Variants in MACF1 observed in about 807,000 individuals in gnomAD.
The protein encoded by MACF1 is microtubule-actin cross-linking factor 1.
In MACF1, 193 loss-of-function variants were observed where a neutral mutation model predicts 854.8. The observed-to-expected ratio is 0.23, with a 90% CI of 0.20 to 0.25. The LOEUF is 0.25. Ranked by LOEUF, MACF1 falls within the 10% of genes least tolerant of loss-of-function variation. The pLI is 1.00. For missense variants in MACF1, 7,722 were observed against 8,929.1 expected (o/e 0.86, Z 5.45); for synonymous variants, 3,185 against 3,226.7 (o/e 0.99, Z 0.44).
Position 39,310,255 on chromosome 1 carries a change from C to T in MACF1, c.2927C>T (p.Ser976Leu), listed in dbSNP as rs2148434459. Residue 976 changes from serine (S) to leucine (L), a missense_variant, in exon 25 of 101, where the codon TCA (serine) becomes TTA (leucine). Transcript: ENST00000564288. ...GCTTTTTCTTTCTAGCTTCGATCCT[C>T]AGCACCAGGGGAGTGCCATCAGATT... The part of the protein sequence containing the change: ...QTWNLEKLRS[S>L]APGECHQIMK... 1 of 1,609,300 alleles carries T rather than the reference C, an allele frequency of 6.2e-7. No individual in the cohort carries two copies. Among genetic ancestry groups the T allele is most frequent in the Non-Finnish European group, 8.5e-7 (1 of 1,178,566 alleles).
At chr1:39,338,288 A>G (rs1180665925) in intron 38 of MACF1, among the ~76,000 whole-genome samples, 1 of 151,892 alleles carries the variant, frequency 6.6e-6, no homozygotes, top group African/African-American at 2.4e-5. Context: ...ATAAATTCAT[A>G]AAAGGGCAAG....
At chr1:39,184,455 G>T (rs759507362) in intron 2 of MACF1, among the ~76,000 whole-genome samples, 16 of 152,104 alleles carry the variant, frequency 1.1e-4, no homozygotes, top group Non-Finnish European at 2.2e-4. Flanking sequence ...ATTGCCAAAA[G>T]TACCCTAGTT....
intron 6 of MACF1, among the ~76,000 whole-genome samples, chr1:39,278,959 A>G (rs1645491715): frequency 1.3e-5 from 2 of 152,238 alleles, no homozygotes; most frequent in African/African-American, 4.8e-5. Context: ...AATTTACAAA[A>G]TAAATTTTAA....
At chr1:39,398,717 T>C (rs1026383723) in intron 58 of MACF1, among the ~76,000 whole-genome samples, 1 of 152,194 alleles carries the variant, frequency 6.6e-6, no homozygotes, top group African/African-American at 2.4e-5. Flanking sequence ...GGGAGTGACT[T>C]ACACAGATAG....
chr1:39,148,843 C>T (rs1643516822), intron 2 of MACF1, among the ~76,000 whole-genome samples: 1 of 152,170 alleles, frequency 6.6e-6, no homozygotes, highest in African/African-American at 2.4e-5. Flanking sequence ...TATTTGTATA[C>T]TTTAAAAAAC....
intron 2 of MACF1, among the ~76,000 whole-genome samples, chr1:39,095,116 T>C (rs536971480): frequency 3.7e-4 from 57 of 152,036 alleles, no homozygotes; most frequent in Non-Finnish European, 6.2e-4. Context: ...AGAAATGTGA[T>C]TGGGCAAAAA....
rs1251307016 is a variant in MACF1, at chr1:39,310,172, C to CAGT, written c.2917-71_2917-69dup. On this transcript the variant is annotated intron_variant, in intron 24 of 100. Coordinates refer to ENST00000564288, the MANE Select transcript of MACF1 (RefSeq NM_001394062.1). ...GCACTGTTTTGTATATATGTTACTT[C>CAGT]AGTAAAATGGAGGAAAAGAGGAAGT... The CAGT allele has an allele frequency of 3.3e-6, 4 of 1,219,272 alleles. No homozygotes were observed. The African/African-American group carries it at 4.6e-5, about 14-fold the overall frequency. The allele number at this position is 1,219,272 out of a possible 1,614,324, so 75.5% of individuals were successfully genotyped here.
At position 39,084,382 on chromosome 1, in the gene MACF1, G is replaced by A. The variant is rs1445249215; in HGVS notation, c.164G>A (p.Arg55Gln). 4.3e-6 allele frequency: 7 copies of A among 1,613,344 alleles called. No individual in the cohort carries two copies. Among genetic ancestry groups the A allele is most frequent in the Non-Finnish European group, 5.9e-6 (7 of 1,180,008 alleles). ...CTGCCACTGCATGAGCAGAAAAAGC[G>A]GAAAAGCCAGGATTCGGTGCTGGAC... Residue 55 changes from arginine (R) to glutamine (Q), a missense_variant, in exon 2 of 94, where the codon CGG becomes CAG. Arg to Gln is a conservative substitution (Grantham distance 43). Coordinates refer to the MACF1 transcript ENST00000361689. This position sits in a 1 kb window ranked among gnomAD's most constrained non-coding sequence, Gnocchi z 5.2.
chr1:39,254,387 A>G lies in MACF1; in HGVS notation c.435+12A>G. On this transcript the variant is annotated intron_variant, in intron 5 of 100. Coordinates refer to ENST00000564288, the MANE Select transcript of MACF1 (RefSeq NM_001394062.1). ...TAAAGCAGCGACAGGTAAGACCATC[A>G]CATGCCTTCCCCATTCTTCCAGGCT... 2 of 1,613,004 alleles carry G rather than the reference A, an allele frequency of 1.2e-6. No homozygotes were observed. The highest frequency in any genetic ancestry group is 1.7e-6 in the Non-Finnish European group (2 of 1,178,986).
At chr1:39,292,734 A>G in intron 16 of MACF1, 32 bp from the exon 17 acceptor site, 2 of 1,452,580 alleles carry the variant, frequency 1.4e-6, no homozygotes, top group East Asian at 4.6e-5. Flanking sequence ...CTCTTTCTCT[A>G]ATGTATTTTT....
chr1:39,459,309 C>T (rs1644503258), intron 91 of MACF1, 60 bp downstream of exon 91: 1 of 1,517,858 alleles, frequency 6.6e-7, no homozygotes, highest in Admixed American at 2.0e-5. Context: ...CAAAACACAG[C>T]CCTTCTGAGG....
At chr1:39,386,274 C>CCACA (rs10650940) in intron 57 of MACF1, among the ~76,000 whole-genome samples, 4 of 148,356 alleles carry the variant, frequency 2.7e-5, no homozygotes, top group African/African-American at 1.0e-4. Flanking sequence ...ATTATGCATA[C>CCACA]CACACACACA....
intron 6 of MACF1, among the ~76,000 whole-genome samples, chr1:39,259,699 C>T (rs1230003019): frequency 6.6e-6 from 1 of 150,970 alleles, no homozygotes; most frequent in African/African-American, 2.4e-5. Flanking sequence ...CTCCGTTCAC[C>T]GCAACCTCTG....
intron 2 of MACF1, among the ~76,000 whole-genome samples, chr1:39,247,588 GATATT>G (rs1329338332): frequency 5.3e-5 from 8 of 152,222 alleles, no homozygotes; most frequent in African/African-American, 1.4e-4. Context: ...TGCATTTAGT[GATATT>G]ATATTAGTAG....
In MACF1 at chr1:39,383,455, AAATACT is replaced by A. The variant is rs1393623832; in HGVS notation, c.13848+1304_13848+1309del. ...TTATCTATTAACATTTATTGTATTA[AAATACT>A]GAGGAATTTTAAAAGTATATATTTA... On this transcript the variant is annotated intron_variant, in intron 56 of 100. Coordinates refer to ENST00000564288, the MANE Select transcript of MACF1 (RefSeq NM_001394062.1). Among the ~76,000 whole-genome samples, 3 of 152,224 alleles carry A rather than the reference AAATACT, an allele frequency of 2.0e-5. No individual in the cohort carries two copies. The East Asian group carries it at 5.8e-4, about 29-fold the overall frequency.
intron 6 of MACF1, among the ~76,000 whole-genome samples, chr1:39,262,000 T>C (rs1645168657): frequency 6.6e-6 from 1 of 152,220 alleles, no homozygotes; most frequent in Non-Finnish European, 1.5e-5. Context: ...ACAGTGAGTG[T>C]GAAATTGTAT....
Position 39,437,828 on chromosome 1 carries a change from C to T in MACF1, c.18040C>T (p.Arg6014Cys), listed in dbSNP as rs370673790. 9.9e-6 allele frequency: 16 copies of T among 1,613,994 alleles called. No individual in the cohort carries two copies. Among genetic ancestry groups the T allele is most frequent in the South Asian group, 4.4e-5 (4 of 91,080 alleles). ...MLETLENLSS[R>C]LRMPPLIPAE... ...GGAGACACTGGAGAATCTTTCCTCT[C>T]GCCTGCGTATGCCACCACTGATCCC... is the stretch of plus-strand genomic sequence containing the variant. Residue 6014 changes from arginine (R) to cysteine (C), a missense_variant, in exon 71 of 101, where the codon CGC becomes TGC. Around this residue, in one of 15 missense-constraint regions of MACF1, gnomAD observed 2,807 missense variants for 3,235.8 expected, o/e 0.87. Coordinates refer to ENST00000564288, the MANE Select transcript of MACF1 (RefSeq NM_001394062.1).
intron 52 of MACF1, among the ~76,000 whole-genome samples, chr1:39,374,806 G>A (rs369421631): frequency 6.6e-6 from 1 of 151,956 alleles, no homozygotes; most frequent in African/African-American, 2.4e-5. Context: ...ACCCTACTAC[G>A]TAAAACAAAA....
At chr1:39,288,496 TAA>T (rs150854643) in intron 15 of MACF1, among the ~76,000 whole-genome samples, 31 of 125,454 alleles carry the variant, frequency 2.5e-4, no homozygotes, top group Admixed American at 2.5e-4. Context: ...AGACTCCATC[TAA>T]AAAAAAAAAA....
Sources: allele counts gnomAD v4.1 joint callset (sites outside exome capture counted in the v4.1 genomes callset), GRCh38; gene constraint gnomAD v4.1.1; regional missense constraint gnomAD v4.1.1; non-coding constraint Gnocchi (gnomAD v3.1); transcripts MANE v1.5; gene names NCBI Gene and HGNC (gene_info 2026-07-23, HGNC 2026-07-21).